Variants in TVP23A observed in about 807,000 individuals in gnomAD.
The protein encoded by TVP23A is Golgi apparatus membrane protein TVP23 homolog A.
In TVP23A, 21 loss-of-function variants were observed where a neutral mutation model predicts 31.7. That is an observed-to-expected ratio of 0.66 (90% CI 0.47 to 0.95). The LOEUF (loss-of-function observed/expected upper bound fraction) is 0.95, where lower values mean the gene tolerates loss of function less well. TVP23A is among the 40% of genes least tolerant of loss of function. The pLI is 0.00. For synonymous variants in TVP23A, 104 were observed against 96.0 expected (o/e 1.08, Z -0.49); for missense variants, 279 against 255.6 (o/e 1.09, Z -0.62).
chr16:10,814,232 G>A lies in TVP23A; in HGVS notation c.89+3871C>T, dbSNP rs562233475. ...CACACCGAGGATTCTGGGATGGGTG[G>A]CTCTCAAACATACCCACCTGGATAC... On this transcript the variant is annotated intron_variant, in intron 2 of 7. Transcript: ENST00000299866. 3.3e-5 allele frequency among the ~76,000 whole-genome samples: 5 copies of A among 152,148 alleles called. No individual in the cohort carries two copies. In the East Asian group the frequency reaches 7.7e-4, roughly 24 times the overall value.
intron 2 of TVP23A, among the ~76,000 whole-genome samples, chr16:10,776,466 C>A (rs1268384770): frequency 6.6e-6 from 1 of 152,172 alleles, no homozygotes; most frequent in African/African-American, 2.4e-5. Flanking sequence ...GTGGGCCAGA[C>A]TGAAGACACT....
chr16:10,769,340 C>T (rs907872136), intron 7 of TVP23A: 2 of 454,208 alleles, frequency 4.4e-6, no homozygotes, highest in East Asian at 7.2e-5. Flanking sequence ...GAATAAAACC[C>T]CCTCAAATCT....
intron 2 of TVP23A, among the ~76,000 whole-genome samples, chr16:10,783,685 A>G (rs1200427514): frequency 6.6e-6 from 1 of 152,140 alleles, no homozygotes; most frequent in African/African-American, 2.4e-5. Flanking sequence ...CAAAAAACAA[A>G]TAAGATGTCC....
rs1156441869 is a variant in TVP23A at position 10,818,403 on chromosome 16, T to A, written c.9+82A>T. ...GCCCCAGGCCCCGGCGCATCCCTCCTCCTCCTCCCGGCTTCTCCAGCGCTC... is the reference window on the plus strand; with the variant it reads ...GCCCCAGGCCCCGGCGCATCCCTCCACCTCCTCCCGGCTTCTCCAGCGCTC... On this transcript the variant is annotated intron_variant, in intron 1 of 7. Coordinates refer to ENST00000299866, the MANE Select transcript of TVP23A (RefSeq NM_001079512.4). This position sits in a 1 kb window ranked among gnomAD's most constrained non-coding sequence, Gnocchi z 4.7. 6.4e-7 allele frequency: 1 copy of A among 1,558,014 alleles called. No homozygotes were observed. The highest frequency in any genetic ancestry group is 1.4e-5 in the African/African-American group (1 of 73,562).
Position 10,818,409 on chromosome 16 carries a change from T to A in TVP23A, c.9+76A>T. ...GGCCCCGGCGCATCCCTCCTCCTCC[T>A]CCCGGCTTCTCCAGCGCTCCCGCAG... On this transcript the variant is annotated intron_variant, in intron 1 of 7. Transcript: ENST00000299866. This position sits in a 1 kb window ranked among gnomAD's most constrained non-coding sequence, Gnocchi z 4.7. The A allele has an allele frequency of 6.4e-7, 1 of 1,565,248 alleles. No homozygotes were observed. Among genetic ancestry groups the A allele is most frequent in the Non-Finnish European group, 8.6e-7 (1 of 1,157,902 alleles).
chr16:10,783,160 T>A (rs1299442709), intron 2 of TVP23A, among the ~76,000 whole-genome samples: 3 of 152,130 alleles, frequency 2.0e-5, no homozygotes, highest in African/African-American at 7.2e-5. Flanking sequence ...TGACTACATG[T>A]GTGTAAAAAT....
At chr16:10,811,456 A>C (rs1169783567) in intron 2 of TVP23A, among the ~76,000 whole-genome samples, 1 of 151,912 alleles carries the variant, frequency 6.6e-6, no homozygotes, top group Non-Finnish European at 1.5e-5. Context: ...TTCTGTAGAT[A>C]ACGGGGTTTT....
intron 2 of TVP23A, among the ~76,000 whole-genome samples, chr16:10,787,916 G>A (rs879374182): frequency 4.6e-5 from 7 of 152,034 alleles, no homozygotes; most frequent in Admixed American, 3.3e-4. Flanking sequence ...GTCAGATGCC[G>A]GAGGCTTTCA....
downstream of TVP23A, among the ~76,000 whole-genome samples, chr16:10,759,509 C>A (rs1046899649): frequency 5.3e-5 from 8 of 152,190 alleles, no homozygotes; most frequent in African/African-American, 1.9e-4. The surrounding 1 kb of genome is among the most constrained non-coding windows in gnomAD (Gnocchi z 4.7). Flanking sequence ...CACACTGGCT[C>A]ATGTCTGTAA....
At chr16:10,760,640 G>A (rs1048365784), downstream of TVP23A, among the ~76,000 whole-genome samples, 4 of 152,208 alleles carry the variant, frequency 2.6e-5, no homozygotes, top group Non-Finnish European at 4.4e-5. Flanking sequence ...TGGAGGCTGA[G>A]GCAGGAGGAT....
At chr16:10,780,344 C>T (rs2032347489) in intron 2 of TVP23A, among the ~76,000 whole-genome samples, 1 of 151,990 alleles carries the variant, frequency 6.6e-6, no homozygotes, top group Non-Finnish European at 1.5e-5. Flanking sequence ...TTCTTTGGAC[C>T]TCCCAATAAA....
In TVP23A at chr16:10,767,730, C is replaced by T. The variant is rs1443981980; in HGVS notation, c.*1372G>A. 4 of 577,248 alleles carry T rather than the reference C, an allele frequency of 6.9e-6. No homozygotes were observed. In the East Asian group the frequency reaches 1.2e-4, roughly 17 times the overall value. The allele number at this position is 577,248 out of a possible 1,614,324, so 35.8% of individuals were successfully genotyped here. On this transcript the variant is annotated 3_prime_UTR_variant, in exon 8 of 8. Coordinates refer to ENST00000299866, the MANE Select transcript of TVP23A (RefSeq NM_001079512.4). This position sits in a 1 kb window ranked among gnomAD's most constrained non-coding sequence, Gnocchi z 4.6. Reference sequence around the variant, plus strand: ...GGCCCTGGAACCTGCATTTTCTGTACACCACCTGATTATTTAGCCACGCTG... The same window carrying T: ...GGCCCTGGAACCTGCATTTTCTGTATACCACCTGATTATTTAGCCACGCTG...
intron 4 of TVP23A, 140 bp downstream of exon 4, chr16:10,773,897 CAT>C: frequency 1.5e-6 from 1 of 675,924 alleles, no homozygotes; most frequent in Non-Finnish European, 2.5e-6. Context: ...TTGCCACACC[CAT>C]GTTTCACCAG....
chr16:10,801,840 G>A (rs189676907), intron 2 of TVP23A, among the ~76,000 whole-genome samples: 1 of 152,042 alleles, frequency 6.6e-6, no homozygotes, highest in East Asian at 1.9e-4. Context: ...TTCCATAATC[G>A]CACTCTGCTT....
chr16:10,777,903 C>T lies in TVP23A; in HGVS notation c.90-2807G>A, dbSNP rs927264436. ...GTGGGCGCCTGTAGTCCCAGCTACT[C>T]GGGACGCTGAGGCAGGAGAATTGCT... is the stretch of plus-strand genomic sequence containing the variant. On this transcript the variant is annotated intron_variant, in intron 2 of 7. Coordinates refer to ENST00000299866, the MANE Select transcript of TVP23A (RefSeq NM_001079512.4). This position sits in a 1 kb window ranked among gnomAD's most constrained non-coding sequence, Gnocchi z 4.5. Among the ~76,000 whole-genome samples, 1 of 151,908 alleles carries T rather than the reference C, an allele frequency of 6.6e-6. No individual in the cohort carries two copies. The highest frequency in any genetic ancestry group is 1.5e-5 in the Non-Finnish European group (1 of 68,002).
Position 10,818,059 on chromosome 16 carries a change from T to G in TVP23A, c.89+44A>C. ...GAATGAGTGAGTAAATGAATGAATT[T>G]GCAGCTTTGGGGAACGCCTGACCCA... On this transcript the variant is annotated intron_variant, in intron 2 of 7. Transcript: ENST00000299866. This position sits in a 1 kb window ranked among gnomAD's most constrained non-coding sequence, Gnocchi z 4.7. 6.7e-7 allele frequency: 1 copy of G among 1,499,078 alleles called. No individual in the cohort carries two copies. The allele number at this position is 1,499,078 out of a possible 1,614,324, so 92.9% of individuals were successfully genotyped here.
chr16:10,784,381 C>CA (rs1303227695), intron 2 of TVP23A, among the ~76,000 whole-genome samples: 2 of 146,726 alleles, frequency 1.4e-5, no homozygotes, highest in Non-Finnish European at 3.0e-5. Context: ...CAATCTCTAC[C>CA]AAAAAAAGAA....
In TVP23A at chr16:10,767,707, C is replaced by T. The variant is rs1050820596; in HGVS notation, c.*1395G>A. Reference sequence around the variant, plus strand: ...GCTGCTGAATCAGTTCTCTGTAGGGCCCTGGAACCTGCATTTTCTGTACAC... The same window carrying T: ...GCTGCTGAATCAGTTCTCTGTAGGGTCCTGGAACCTGCATTTTCTGTACAC... On this transcript the variant is annotated 3_prime_UTR_variant, in exon 8 of 8. Coordinates refer to ENST00000299866, the MANE Select transcript of TVP23A (RefSeq NM_001079512.4). This position sits in a 1 kb window ranked among gnomAD's most constrained non-coding sequence, Gnocchi z 4.6. 13 of 564,274 alleles carry T rather than the reference C, an allele frequency of 2.3e-5. No individual in the cohort carries two copies. The highest frequency in any genetic ancestry group is 3.2e-5 in the Non-Finnish European group (10 of 316,756). The allele number at this position is 564,274 out of a possible 1,614,324, so 35.0% of individuals were successfully genotyped here.
At position 10,818,233 on chromosome 16, in the gene TVP23A, A is replaced by G; in HGVS notation, c.10-51T>C. On this transcript the variant is annotated intron_variant, in intron 1 of 7. Transcript: ENST00000299866. This position sits in a 1 kb window ranked among gnomAD's most constrained non-coding sequence, Gnocchi z 4.7. ...CAGGCCCAAGCACGGCGCACACCCCAACCCCACCCGCCCTGTCCTCCTGGG... is the reference window on the plus strand; with the variant it reads ...CAGGCCCAAGCACGGCGCACACCCCGACCCCACCCGCCCTGTCCTCCTGGG... The G allele has an allele frequency of 1.0e-6, 1 of 958,888 alleles. No individual in the cohort carries two copies. The highest frequency in any genetic ancestry group is 1.4e-5 in the South Asian group (1 of 73,090). The allele number at this position is 958,888 out of a possible 1,614,324, so 59.4% of individuals were successfully genotyped here. A position where few individuals can be genotyped will look rare whatever the true frequency, so the allele number is the denominator to read the frequency against.
Sources: allele counts gnomAD v4.1 joint callset (sites outside exome capture counted in the v4.1 genomes callset), GRCh38; gene constraint gnomAD v4.1.1; non-coding constraint Gnocchi (gnomAD v3.1); transcripts MANE v1.5; gene names NCBI Gene and HGNC (gene_info 2026-07-23, HGNC 2026-07-21).